Variants in CCDC17 observed in about 807,000 individuals in gnomAD.
CCDC17 encodes coiled-coil domain-containing protein 17.
CCDC17 carries 79 observed loss-of-function variants against 68.0 expected under a neutral mutation model. The ratio of observed to expected loss-of-function variants is 1.16; its 90% CI spans 0.97 to 1.40. The LOEUF is 1.40. Among genes scored for constraint, CCDC17 ranks in the 40% most tolerant of loss-of-function variants. CCDC17 has a pLI of 0.00. For missense variants in CCDC17, 846 were observed against 811.5 expected, an observed-to-expected ratio of 1.04 and a Z score of -0.52; for synonymous variants, 376 against 337.5, an observed-to-expected ratio of 1.11 and a Z score of -1.25.
intron 8 of CCDC17, 30 bp downstream of exon 8, chr1:45,621,847 C>A: frequency 6.3e-7 from 1 of 1,595,070 alleles, no homozygotes. Flanking sequence ...CCCGTGTCCT[C>A]ACAGCCTTTG....
chr1:45,622,421 C>T, intron 6 of CCDC17, 73 bp from the exon 7 acceptor site: 2 of 1,492,582 alleles, frequency 1.3e-6, no homozygotes, highest in South Asian at 2.5e-5. Context: ...AGCAGCTCTC[C>T]AGCGCTAAGG....
Position 45,621,971 on chromosome 1 carries a change from C to A in CCDC17, c.992G>T (p.Gly331Val). 3.7e-6 allele frequency: 6 copies of A among 1,609,572 alleles called. No individual in the cohort carries two copies. Among genetic ancestry groups the A allele is most frequent in the Non-Finnish European group, 5.1e-6 (6 of 1,178,452 alleles). Residue 331 changes from glycine (G) to valine (V), a missense_variant, in exon 8 of 13, where the codon GGG (glycine) becomes GTG (valine). Physicochemically the swap from Gly to Val is moderately radical, Grantham distance 109 (BLOSUM62 -3). Coordinates refer to ENST00000528266, the MANE Select transcript of CCDC17 (RefSeq NM_001114938.3). Reference protein sequence around the residue: ...PLGPQDLRLLGDASLQPKGRR... With the variant: ...PLGPQDLRLLVDASLQPKGRR... ...CCCCTTCGGTTGTAGGCTGGCATCC[C>A]CCAGGAGTCGCAGATCCTGGGGCCC...
chr1:45,622,752 G>T lies in CCDC17; in HGVS notation c.739C>A (p.Arg247=), dbSNP rs143656439. 41 of 1,590,288 alleles carry T rather than the reference G, an allele frequency of 2.6e-5. No homozygotes were observed. The African/African-American group carries it at 4.6e-4, about 18-fold the overall frequency. The change falls in exon 5 of 13, where the codon CGG becomes AGG. Residue 247 remains arginine, a splice_region_variant and synonymous_variant. Coordinates refer to ENST00000528266, the MANE Select transcript of CCDC17 (RefSeq NM_001114938.3). The part of the protein sequence containing the change: ...ANPGTLAAEI[R]ALREAYIRDG... ...CCCATCTCCGGCCCCGGCTCTCACC[G>T]GATTTCGGCAGCCAGAGTTCCCGGG...
At chr1:45,621,567 T>G in intron 9 of CCDC17, 71 bp downstream of exon 9, 1 of 1,589,116 alleles carries the variant, frequency 6.3e-7, no homozygotes, top group Non-Finnish European at 8.6e-7. Context: ...CCCTATCTGG[T>G]CCTAGTGGGC....
At chr1:45,622,208 G>A (rs775441547) in intron 7 of CCDC17, 33 bp downstream of exon 7, 2 of 1,581,676 alleles carry the variant, frequency 1.3e-6, no homozygotes, top group South Asian at 2.3e-5. Context: ...GGAGAGATAA[G>A]TGGGATGGGA....
chr1:45,622,729 C>G lies in CCDC17; in HGVS notation c.740+22G>C. 3 of 1,570,214 alleles carry G rather than the reference C, an allele frequency of 1.9e-6. No individual in the cohort carries two copies. The South Asian group carries it at 3.5e-5, about 18-fold the overall frequency. On this transcript the variant is annotated intron_variant, in intron 5 of 12. Coordinates refer to ENST00000528266, the MANE Select transcript of CCDC17 (RefSeq NM_001114938.3). ...ACTGCTCAGCGCTTCGCCCTATGCC[C>G]ATCTCCGGCCCCGGCTCTCACCGGA...
At chr1:45,621,216 T>G in intron 10 of CCDC17, 65 bp downstream of exon 10, 1 of 1,543,338 alleles carries the variant, frequency 6.5e-7, no homozygotes, top group Non-Finnish European at 8.8e-7. Flanking sequence ...TGAGAAAACT[T>G]AGCAGAATGG....
chr1:45,620,213 G>C lies in CCDC17; in HGVS notation c.*62C>G. The C allele has an allele frequency of 2.6e-6, 4 of 1,529,140 alleles. No individual in the cohort carries two copies. Among genetic ancestry groups the C allele is most frequent in the Non-Finnish European group, 3.5e-6 (4 of 1,139,784 alleles). The allele number at this position is 1,529,140 out of a possible 1,614,324, so 94.7% of individuals were successfully genotyped here. On this transcript the variant is annotated 3_prime_UTR_variant, in exon 13 of 13. Transcript: ENST00000528266. ...CAGAACATGGAGTAGTAAACCTGTAGGTCTGGAAATAGGCCCCAGTCCTGT... is the reference window on the plus strand; with the variant it reads ...CAGAACATGGAGTAGTAAACCTGTACGTCTGGAAATAGGCCCCAGTCCTGT...
intron 8 of CCDC17, 25 bp from the exon 9 acceptor site, chr1:45,621,760 C>G (rs1199079809): frequency 6.2e-7 from 1 of 1,611,792 alleles, no homozygotes; most frequent in Non-Finnish European, 8.5e-7. Flanking sequence ...GCTGACTCCT[C>G]CAGAAAGCCT....
At position 45,621,050 on chromosome 1, in the gene CCDC17, C is replaced by T. The variant is rs1235485908; in HGVS notation, c.1452G>A (p.Trp484Ter). 1 of 1,613,898 alleles carries T rather than the reference C, an allele frequency of 6.2e-7. No homozygotes were observed. The highest frequency in any genetic ancestry group is 1.3e-5 in the African/African-American group (1 of 74,932). Residue 484 changes from tryptophan (W) to a stop codon, truncating the protein, a stop_gained, in exon 11 of 13, where the codon TGG (tryptophan) becomes TGA (stop). Coordinates refer to ENST00000528266, the MANE Select transcript of CCDC17 (RefSeq NM_001114938.3). LOFTEE classifies it high-confidence loss of function. ...CELQVWQGLA[W>*]ARAPQPKAWV... ...AAGCCTTTGGCTGTGGTGCCCTAGC[C>T]CATGCTAGCCCCTGCCAGACCTGCA...
chr1:45,620,344 A>T lies in CCDC17; in HGVS notation c.1800T>A (p.Ser600Arg), dbSNP rs745809107. ...DPPPRTEEPL[S>R]GVKDRDEGLG... Reference sequence around the variant, plus strand: ...AACCCTCATCTCTATCCTTGACTCCACTGAGGGGCTCTTCTGTACGAGGTG... The same window carrying T: ...AACCCTCATCTCTATCCTTGACTCCTCTGAGGGGCTCTTCTGTACGAGGTG... Residue 600 changes from serine (S) to arginine (R), a missense_variant, in exon 13 of 13, where the codon AGT (serine) becomes AGA (arginine). By Grantham distance (110) the Ser-to-Arg change is moderately radical. Coordinates refer to ENST00000528266, the MANE Select transcript of CCDC17 (RefSeq NM_001114938.3). 6.8e-6 allele frequency: 11 copies of T among 1,608,288 alleles called. No individual in the cohort carries two copies. The African/African-American group carries it at 1.3e-4, about 20-fold the overall frequency.
rs1338733894 is a variant in CCDC17, at chr1:45,621,261, CATG to C, written c.1388+17_1388+19del. On this transcript the variant is annotated intron_variant, in intron 10 of 12. Transcript: ENST00000528266. ...CTCAACTGTGGCAGAGTACCAGAGT[CATG>C]ATCCCCACCTACTGACCTGGGCACA... 7 of 1,558,826 alleles carry C rather than the reference CATG, an allele frequency of 4.5e-6. No homozygotes were observed. Among genetic ancestry groups the C allele is most frequent in the Non-Finnish European group, 6.1e-6 (7 of 1,150,390 alleles).
rs760501888 is a variant in CCDC17 at position 45,620,985 on chromosome 1, A to G, written c.1517T>C (p.Leu506Pro). ...LGLFDQDQRV[L>P]SGRWRLPLRA... Reference sequence around the variant, plus strand: ...AAGTGGGAGGCGCCAGCGGCCACTTAGCACCCGCTGATCTTGGTCAAATAG... The same window carrying G: ...AAGTGGGAGGCGCCAGCGGCCACTTGGCACCCGCTGATCTTGGTCAAATAG... The change falls in exon 11 of 13, where the codon CTA becomes CCA. Residue 506 changes from leucine to proline, a missense_variant. Leu to Pro is a moderately conservative substitution (Grantham distance 98). Transcript: ENST00000528266. 7.1e-5 allele frequency: 115 copies of G among 1,613,744 alleles called. No individual in the cohort carries two copies. The highest frequency in any genetic ancestry group is 9.5e-5 in the Non-Finnish European group (112 of 1,179,864).
Position 45,623,220 on chromosome 1 carries a change from C to G in CCDC17, c.490G>C (p.Glu164Gln), listed in dbSNP as rs1190970889. The G allele has an allele frequency of 6.5e-7, 1 of 1,543,608 alleles. No individual in the cohort carries two copies. Among genetic ancestry groups the G allele is most frequent in the Non-Finnish European group, 8.7e-7 (1 of 1,145,082 alleles). Residue 164 changes from glutamate (E) to glutamine (Q), a missense_variant, in exon 3 of 13, where the codon GAG becomes CAG. Coordinates refer to ENST00000528266, the MANE Select transcript of CCDC17 (RefSeq NM_001114938.3). ...AQSRALQLRGEELSRRLQVVA... is the reference protein window; with the variant it reads ...AQSRALQLRGQELSRRLQVVA... ...CCCCGTCCCCCATCTCCTTCACCCT[C>G]GCCGCGTAGCTGCAGGGCCCGGCTC... is the stretch of plus-strand genomic sequence containing the variant.
Position 45,620,851 on chromosome 1 carries a change from G to T in CCDC17, c.1600-18C>A. The T allele has an allele frequency of 6.2e-7, 1 of 1,610,130 alleles. No homozygotes were observed. The highest frequency in any genetic ancestry group is 8.5e-7 in the Non-Finnish European group (1 of 1,178,048). On this transcript the variant is annotated intron_variant, in intron 11 of 12. Transcript: ENST00000528266. ...TGACCTGCCTGGGGAGAGATGAAATGGTATTGCACTTGTACTTTGCTGTAT... is the reference window on the plus strand; with the variant it reads ...TGACCTGCCTGGGGAGAGATGAAATTGTATTGCACTTGTACTTTGCTGTAT...
chr1:45,622,991 A>T lies in CCDC17; in HGVS notation c.620T>A (p.Leu207Ter). The stretch of plus-strand genomic sequence containing the variant: ...CTGCAGCTCCTGAATGCGGGCCCCC[A>T]ACACCTCTAGAGCTCCCCGCGTCCT... ...AGRTRGALEVLGARIQELQAE... is the reference protein window; with the variant it reads ...AGRTRGALEV Residue 207 changes from leucine to a stop codon, truncating the protein, a stop_gained, in exon 4 of 13, where the codon TTG (leucine) becomes TAG (stop). Coordinates refer to ENST00000528266, the MANE Select transcript of CCDC17 (RefSeq NM_001114938.3). LOFTEE classifies it high-confidence loss of function. 6.2e-7 allele frequency: 1 copy of T among 1,606,584 alleles called. No individual in the cohort carries two copies. Among genetic ancestry groups the T allele is most frequent in the East Asian group, 2.2e-5 (1 of 44,478 alleles).
At chr1:45,621,822 G>T in intron 8 of CCDC17, 55 bp downstream of exon 8, 1 of 1,595,064 alleles carries the variant, frequency 6.3e-7, no homozygotes, top group Non-Finnish European at 8.5e-7. Context: ...CCTCCAACCT[G>T]TTCCCCCAAC....
At chr1:45,622,140 G>T (rs1644286706) in intron 7 of CCDC17, 101 bp downstream of exon 7, 1 of 1,293,704 alleles carries the variant, frequency 7.7e-7, no homozygotes, top group Admixed American at 2.1e-5. Context: ...TGAACTAGGG[G>T]AGTCACAAAC....
Position 45,621,042 on chromosome 1 carries a change from G to A in CCDC17, c.1460C>T (p.Ala487Val), listed in dbSNP as rs961680609. 1.4e-5 allele frequency: 22 copies of A among 1,613,804 alleles called. No individual in the cohort carries two copies. Among genetic ancestry groups the A allele is most frequent in the Non-Finnish European group, 1.7e-5 (20 of 1,179,858 alleles). ...TGAGACCCAAGCCTTTGGCTGTGGTGCCCTAGCCCATGCTAGCCCCTGCCA... is the reference window on the plus strand; with the variant it reads ...TGAGACCCAAGCCTTTGGCTGTGGTACCCTAGCCCATGCTAGCCCCTGCCA... The part of the protein sequence containing the change: ...QVWQGLAWAR[A>V]PQPKAWVSLG... Residue 487 changes from alanine to valine, a missense_variant, in exon 11 of 13, where the codon GCA (alanine) becomes GTA (valine). Transcript: ENST00000528266.
Sources: allele counts gnomAD v4.1 joint callset, GRCh38; gene constraint gnomAD v4.1.1; transcripts MANE v1.5; gene names NCBI Gene and HGNC (gene_info 2026-07-23, HGNC 2026-07-21).